ZNF469: variants seen among roughly 807,000 people sequenced by gnomAD.
ZNF469 encodes the protein zinc finger protein 469.
In ZNF469, 1 loss-of-function variant was observed where a neutral mutation model predicts 1.0. That is an observed-to-expected ratio of 1.00 (90% CI 0.35 to 4.73). The LOEUF (loss-of-function observed/expected upper bound fraction) is 4.73. Among genes scored for constraint, ZNF469 ranks in the 30% most tolerant of loss-of-function variants. ZNF469 has a pLI of 0.16. For synonymous variants in ZNF469, 2,703 were observed against 2,363.4 expected (o/e 1.14, Z -4.17); for missense variants, 6,100 against 5,356.3 (o/e 1.14, Z -4.33).
Position 88,438,069 on chromosome 16 carries a change from C to A in ZNF469, c.10599C>A (p.Pro3533=), listed in dbSNP as rs78022634. Reference sequence around the variant, plus strand: ...AGACCCTAGAGAGGCCTGTAGACCCCGTGACCCACCCGATCAGAGGTTGTG... The same window carrying A: ...AGACCCTAGAGAGGCCTGTAGACCCAGTGACCCACCCGATCAGAGGTTGTG... ...WPETLERPVD[P]VTHPIRGCEL... Residue 3533 remains proline (P), a synonymous_variant, in exon 3 of 3, where the codon CCC becomes CCA. Transcript: ENST00000565624. The A allele has an allele frequency of 9.7e-6, 15 of 1,550,294 alleles. No individual in the cohort carries two copies. In the Admixed American group the frequency reaches 2.7e-4, roughly 28 times the overall value.
At chr16:88,320,587 T>C in the ZNF469 span, among the ~76,000 whole-genome samples, 2 of 152,152 alleles carry the variant, frequency 1.3e-5, no homozygotes, top group African/African-American at 4.8e-5. Flanking sequence ...TTTTACTACG[T>C]TGGCCAGGCT....
At chr16:88,210,664 A>T in the ZNF469 span, among the ~76,000 whole-genome samples, 3 of 152,244 alleles carry the variant, frequency 2.0e-5, no homozygotes, top group African/African-American at 7.2e-5. Flanking sequence ...TTGTCCCAGC[A>T]CCGTTTGTTA....
the ZNF469 span, among the ~76,000 whole-genome samples, chr16:88,368,373 G>A: frequency 2.2e-4 from 33 of 152,350 alleles, no homozygotes; most frequent in African/African-American, 6.3e-4. Context: ...GATGGAGGCC[G>A]AGCTCCTTGC....
intron 1 of ZNF469, among the ~76,000 whole-genome samples, chr16:88,422,296 G>GGATGGATGGATGGATA (rs1905491243): frequency 6.6e-6 from 1 of 150,642 alleles, no homozygotes; most frequent in Non-Finnish European, 1.5e-5. Flanking sequence ...ATGGATGGAT[G>GGATGGATGGATGGATA]GATGAGTGGG....
At chr16:88,203,489 C>T in the ZNF469 span, among the ~76,000 whole-genome samples, 6 of 143,238 alleles carry the variant, frequency 4.2e-5, no homozygotes, top group African/African-American at 5.0e-5. Context: ...CCACAAATGA[C>T]GGTGGGGGCG....
In ZNF469 at chr16:88,429,348, C is replaced by T. The variant is rs751974223; in HGVS notation, c.1878C>T (p.Pro626=). 42 of 1,549,668 alleles carry T rather than the reference C, an allele frequency of 2.7e-5. No individual in the cohort carries two copies. The highest frequency in any genetic ancestry group is 4.1e-5 in the African/African-American group (3 of 73,016). Residue 626 remains proline, a synonymous_variant, in exon 3 of 3, where the codon CCC becomes CCT. Coordinates refer to ENST00000565624, the MANE Select transcript of ZNF469 (RefSeq NM_001367624.2). ...ANPSSEESQL[P]GPLGPSAFFH... ...CCAGCTCAGAGGAAAGCCAGCTCCCCGGCCCCCTCGGGCCCTCGGCCTTCT... is the reference window on the plus strand; with the variant it reads ...CCAGCTCAGAGGAAAGCCAGCTCCCTGGCCCCCTCGGGCCCTCGGCCTTCT...
chr16:88,114,303 G>A, the ZNF469 span, among the ~76,000 whole-genome samples: 1 of 143,294 alleles, frequency 7.0e-6, no homozygotes, highest in East Asian at 2.1e-4. Context: ...CACTGCGGGG[G>A]TCTTCGGGGG....
chr16:88,437,887 A>G lies in ZNF469; in HGVS notation c.10417A>G (p.Lys3473Glu). The G allele has an allele frequency of 6.5e-7, 1 of 1,540,078 alleles. No individual in the cohort carries two copies. Among genetic ancestry groups the G allele is most frequent in the Non-Finnish European group, 8.8e-7 (1 of 1,140,272 alleles). The change falls in exon 3 of 3, where the codon AAA becomes GAA. Residue 3473 changes from lysine to glutamate, a missense_variant. Coordinates refer to ENST00000565624, the MANE Select transcript of ZNF469 (RefSeq NM_001367624.2). ...ARALEGTLPS[K>E]RRRVAMPGSA... ...GGCCCTCGAGGGCACACTGCCCAGC[A>G]AACGGCGCAGGGTGGCCATGCCCGG... is the stretch of plus-strand genomic sequence containing the variant.
the ZNF469 span, among the ~76,000 whole-genome samples, chr16:88,193,009 G>A: frequency 5.0e-5 from 3 of 59,902 alleles, no homozygotes; most frequent in Non-Finnish European, 1.0e-4. Flanking sequence ...GGTGATGGTG[G>A]TGATGGTGGT....
At chr16:88,313,035 A>G in the ZNF469 span, among the ~76,000 whole-genome samples, 1 of 152,120 alleles carries the variant, frequency 6.6e-6, no homozygotes, top group African/African-American at 2.4e-5. Flanking sequence ...TAACTGACAT[A>G]TTTGTTATTA....
the ZNF469 span, among the ~76,000 whole-genome samples, chr16:88,108,006 T>G: frequency 6.6e-6 from 1 of 152,360 alleles, no homozygotes; most frequent in African/African-American, 2.4e-5. Context: ...CCATGCGATC[T>G]GTATGTCATT....
Position 88,399,103 on chromosome 16 carries a change from C to T in ZNF469, c.-192+15849C>T, listed in dbSNP as rs1184695832. ...TTCCGAGAGTATGATGTTGGCGCTT[C>T]GGCAGGTCTCACCTGGCCACCCAGG... On this transcript the variant is annotated intron_variant, in intron 1 of 2. Coordinates refer to ENST00000565624, the MANE Select transcript of ZNF469 (RefSeq NM_001367624.2). Among the ~76,000 whole-genome samples, 4 of 152,252 alleles carry T rather than the reference C, an allele frequency of 2.6e-5. No individual in the cohort carries two copies. In the East Asian group the frequency reaches 5.8e-4, roughly 22 times the overall value.
At chr16:88,125,261 A>G in the ZNF469 span, among the ~76,000 whole-genome samples, 25 of 152,236 alleles carry the variant, frequency 1.6e-4, no homozygotes, top group Non-Finnish European at 3.2e-4. Context: ...TTGTGGTTTT[A>G]TACTATATCT....
chr16:88,152,310 G>A, the ZNF469 span, among the ~76,000 whole-genome samples: 1 of 152,240 alleles, frequency 6.6e-6, no homozygotes, highest in South Asian at 2.1e-4. This position sits in a 1 kb window ranked among gnomAD's most constrained non-coding sequence, Gnocchi z 4.2. Flanking sequence ...GTCACGGGCA[G>A]CCATGAGCAG....
At chr16:88,134,981 A>G in the ZNF469 span, among the ~76,000 whole-genome samples, 2 of 152,260 alleles carry the variant, frequency 1.3e-5, no homozygotes, top group African/African-American at 4.8e-5. Flanking sequence ...TTCAAAAGAA[A>G]GTCCCCAGGC....
At chr16:88,285,670 A>T in the ZNF469 span, among the ~76,000 whole-genome samples, 1 of 152,190 alleles carries the variant, frequency 6.6e-6, no homozygotes, top group Non-Finnish European at 1.5e-5. Flanking sequence ...CACGGTGGGG[A>T]GGTGCTCAGG....
the ZNF469 span, among the ~76,000 whole-genome samples, chr16:88,170,567 G>A: frequency 7.2e-5 from 11 of 152,122 alleles, no homozygotes; most frequent in Non-Finnish European, 1.5e-4. This position sits in a 1 kb window ranked among gnomAD's most constrained non-coding sequence, Gnocchi z 4.2. Flanking sequence ...CATTTCACTT[G>A]GCATGACGTC....
the ZNF469 span, among the ~76,000 whole-genome samples, chr16:88,263,000 G>A: frequency 2.4e-3 from 369 of 152,354 alleles, 1 homozygote; most frequent in Non-Finnish European, 4.2e-3. The surrounding 1 kb of genome is among the most constrained non-coding windows in gnomAD (Gnocchi z 4.3). Flanking sequence ...GGGATCGTTC[G>A]CAGAAATGCA....
chr16:88,370,703 C>A, the ZNF469 span, among the ~76,000 whole-genome samples: 1 of 152,134 alleles, frequency 6.6e-6, no homozygotes, highest in East Asian at 1.9e-4. Flanking sequence ...AACACAGCAG[C>A]AATCTATCCC....
Sources: allele counts gnomAD v4.1 joint callset (sites outside exome capture counted in the v4.1 genomes callset), GRCh38; gene constraint gnomAD v4.1.1; non-coding constraint Gnocchi (gnomAD v3.1); transcripts MANE v1.5; gene names NCBI Gene and HGNC (gene_info 2026-07-23, HGNC 2026-07-21).